The following LHFPL3 variants were observed in gnomAD, a reference collection of about 807,000 sequenced individuals.
The protein encoded by LHFPL3 is LHFPL tetraspan subfamily member 3 protein.
In LHFPL3, 5 loss-of-function variants were observed where a neutral mutation model predicts 19.3. The observed-to-expected ratio is 0.26, with a 90% CI of 0.14 to 0.54. The LOEUF (loss-of-function observed/expected upper bound fraction) is 0.54, where lower values mean the gene tolerates loss of function less well. LHFPL3 is among the 20% of genes least tolerant of loss of function. LHFPL3 has a pLI of 0.94. For synonymous variants in LHFPL3, 133 were observed against 126.2 expected (o/e 1.05, Z -0.36); for missense variants, 249 against 307.4 (o/e 0.81, Z 1.42).
intron 1 of LHFPL3, among the ~76,000 whole-genome samples, chr7:104,583,529 C>A (rs1790504137): frequency 6.6e-6 from 1 of 152,172 alleles, no homozygotes; most frequent in African/African-American, 2.4e-5. Flanking sequence ...AGGCAACCTA[C>A]AGAATGGGGT....
intron 1 of LHFPL3, among the ~76,000 whole-genome samples, chr7:104,365,439 T>C (rs1381718970): frequency 7.4e-6 from 1 of 135,466 alleles, no homozygotes; most frequent in African/African-American, 2.8e-5. Context: ...TGATTGTTTT[T>C]GTGATTTTTT....
intron 1 of LHFPL3, chr7:104,667,995 C>A: frequency 6.2e-7 from 1 of 1,613,550 alleles, no homozygotes; most frequent in Non-Finnish European, 8.5e-7. Flanking sequence ...TGCTCGGGAA[C>A]CCAATATCGA....
At chr7:104,340,192 G>T (rs543091525) in intron 1 of LHFPL3, among the ~76,000 whole-genome samples, 21 of 150,936 alleles carry the variant, frequency 1.4e-4, no homozygotes, top group African/African-American at 5.1e-4. Flanking sequence ...TTCTATTCCA[G>T]ATTTTTTTTA....
At chr7:104,497,857 C>T (rs1793515838) in intron 1 of LHFPL3, among the ~76,000 whole-genome samples, 1 of 152,116 alleles carries the variant, frequency 6.6e-6, no homozygotes, top group Non-Finnish European at 1.5e-5. Context: ...CTTGTAATCA[C>T]AGAGCCCTGA....
chr7:104,793,429 T>G (rs1368976739), intron 2 of LHFPL3, among the ~76,000 whole-genome samples: 1 of 152,204 alleles, frequency 6.6e-6, no homozygotes, highest in East Asian at 1.9e-4. Flanking sequence ...TGTGAAGAAA[T>G]TTTAAAAGCA....
At position 104,714,720 on chromosome 7, in the gene LHFPL3, A is replaced by G. The variant is rs893089539; in HGVS notation, c.446-21955A>G. Among the ~76,000 whole-genome samples, 6 of 152,186 alleles carry G rather than the reference A, an allele frequency of 3.9e-5. 1 individual carries two copies. The highest frequency in any genetic ancestry group is 6.5e-5 in the Admixed American group (1 of 15,276). ...ACCATGCTGGTCTGCCCTTTTCAAT[A>G]TGGTGAAAAAGATAATTCAGTGCTT... On this transcript the variant is annotated intron_variant, in intron 1 of 2. Transcript: ENST00000424859.
intron 1 of LHFPL3, among the ~76,000 whole-genome samples, chr7:104,573,087 A>G (rs1790258079): frequency 6.6e-6 from 1 of 152,106 alleles, no homozygotes; most frequent in South Asian, 2.1e-4. Flanking sequence ...CTTTCAATCG[A>G]TTCATTTGGG....
chr7:104,446,573 A>T (rs1463778183), intron 1 of LHFPL3, among the ~76,000 whole-genome samples: 1 of 151,592 alleles, frequency 6.6e-6, no homozygotes, highest in Non-Finnish European at 1.5e-5. Context: ...TTATTTTTTT[A>T]TTTTTTATTT....
At chr7:104,694,774 A>C (rs999864868) in intron 1 of LHFPL3, among the ~76,000 whole-genome samples, 1 of 152,252 alleles carries the variant, frequency 6.6e-6, no homozygotes, top group Non-Finnish European at 1.5e-5. Flanking sequence ...TTAGAGAAGG[A>C]ATGAAAATAC....
intron 2 of LHFPL3, among the ~76,000 whole-genome samples, chr7:104,803,228 T>C (rs1790288921): frequency 6.6e-6 from 1 of 152,226 alleles, no homozygotes; most frequent in African/African-American, 2.4e-5. Context: ...CCAAGTCAAA[T>C]TTGTCAAGAA....
chr7:104,845,057 T>C (rs530420218), intron 2 of LHFPL3, among the ~76,000 whole-genome samples: 2 of 152,226 alleles, frequency 1.3e-5, no homozygotes, highest in East Asian at 3.8e-4. Context: ...ATTTCCCATG[T>C]GGTCATTCAT....
At chr7:104,865,825 A>G (rs370782987) in intron 2 of LHFPL3, among the ~76,000 whole-genome samples, 3 of 152,192 alleles carry the variant, frequency 2.0e-5, no homozygotes, top group Non-Finnish European at 4.4e-5. Context: ...CAGCCAGAGA[A>G]AAAGGTCAGG....
intron 2 of LHFPL3, among the ~76,000 whole-genome samples, chr7:104,813,906 C>T (rs1790520043): frequency 6.6e-6 from 1 of 152,224 alleles, no homozygotes; most frequent in African/African-American, 2.4e-5. Flanking sequence ...GCTCTTCTTT[C>T]CTTCTCTTCA....
At chr7:104,606,066 GC>G (rs1182196611) in intron 1 of LHFPL3, among the ~76,000 whole-genome samples, 19 of 151,818 alleles carry the variant, frequency 1.3e-4, no homozygotes, top group African/African-American at 4.6e-4. Flanking sequence ...TCATTATGTT[GC>G]CCAGGCTAGT....
At chr7:104,439,383 GA>G (rs34687716) in intron 1 of LHFPL3, among the ~76,000 whole-genome samples, 1 of 151,670 alleles carries the variant, frequency 6.6e-6, no homozygotes, top group Non-Finnish European at 1.5e-5. Context: ...CATAAACATA[GA>G]AAAAAATCCT....
chr7:104,415,773 C>CA (rs1028656184), intron 1 of LHFPL3, among the ~76,000 whole-genome samples: 7 of 152,082 alleles, frequency 4.6e-5, no homozygotes, highest in Non-Finnish European at 7.4e-5. Context: ...ATTTCAGTAG[C>CA]AAAAAAACAT....
intron 2 of LHFPL3, chr7:104,785,601 C>G (rs1789896897): frequency 6.6e-6 from 1 of 152,192 alleles, no homozygotes; most frequent in African/African-American, 2.4e-5. Flanking sequence ...TAATATTGCC[C>G]TAAGTATTCT....
intron 1 of LHFPL3, among the ~76,000 whole-genome samples, chr7:104,681,304 A>G (rs1388470840): frequency 6.6e-6 from 1 of 152,086 alleles, no homozygotes; most frequent in African/African-American, 2.4e-5. Context: ...AATCCTTGGC[A>G]CTAGTCATGT....
chr7:104,864,839 T>C, intron 2 of LHFPL3, among the ~76,000 whole-genome samples: 1 of 152,132 alleles, frequency 6.6e-6, no homozygotes, highest in East Asian at 1.9e-4. Flanking sequence ...GGGGGCAGAC[T>C]GACACCTCAC....
Sources: gnomAD v4.1 joint callset for allele counts (sites outside exome capture counted in the v4.1 genomes callset) on GRCh38, gnomAD v4.1.1 for gene constraint, MANE v1.5 for transcripts, NCBI Gene and HGNC (gene_info 2026-07-23, HGNC 2026-07-21) for gene names.